Variants in RAPGEF4 observed in about 807,000 individuals in gnomAD.
RAPGEF4 encodes the protein RAP guanine-nucleotide-exchange factor (GEF) 4.
Under a neutral mutation model 147.9 loss-of-function variants are expected in RAPGEF4, and 66 were observed. That is an observed-to-expected ratio of 0.45 (90% CI 0.37 to 0.55). The LOEUF is 0.55. Among genes scored for constraint, RAPGEF4 ranks in the 20% least tolerant of loss-of-function variants. The probability of loss-of-function intolerance (pLI) is 0.00; values close to 1 mark genes in which losing one functional copy is unlikely to be tolerated. For missense variants in RAPGEF4, 1,071 were observed against 1,257.3 expected (o/e 0.85, Z 2.24); for synonymous variants, 419 against 442.7 (o/e 0.95, Z 0.67).
chr2:173,020,525 T>C, intron 22 of RAPGEF4, 93 bp from the exon 23 acceptor site: 1 of 1,002,226 alleles, frequency 1.0e-6, no homozygotes, highest in Non-Finnish European at 1.6e-6. Context: ...GTTCCGGTAA[T>C]TCACCAAGCT....
At chr2:172,819,112 C>G (rs1177773982) in intron 4 of RAPGEF4, among the ~76,000 whole-genome samples, 3 of 152,032 alleles carry the variant, frequency 2.0e-5, no homozygotes, top group Non-Finnish European at 4.4e-5. Flanking sequence ...TACATCTTTC[C>G]TAATGAAAAT....
chr2:172,819,634 T>G (rs1358832799), intron 4 of RAPGEF4, among the ~76,000 whole-genome samples: 1 of 151,172 alleles, frequency 6.6e-6, no homozygotes, highest in Non-Finnish European at 1.5e-5. Flanking sequence ...CCCGGCTAAT[T>G]TTTTGTATTT....
chr2:172,885,261 G>A (rs938697011), intron 4 of RAPGEF4, among the ~76,000 whole-genome samples: 3 of 152,152 alleles, frequency 2.0e-5, no homozygotes, highest in African/African-American at 7.2e-5. Flanking sequence ...TGCCCATGGC[G>A]GTATTGGCTT....
intron 6 of RAPGEF4, among the ~76,000 whole-genome samples, chr2:172,925,777 AAGAGAGAG>A (rs67773579): frequency 3.0e-4 from 40 of 133,804 alleles, no homozygotes; most frequent in African/African-American, 5.4e-4. Flanking sequence ...GAAAGAAAGA[AAGAGAGAG>A]AGAGAGAGAG....
intron 6 of RAPGEF4, among the ~76,000 whole-genome samples, chr2:172,936,258 T>C (rs1686551740): frequency 6.6e-6 from 1 of 152,080 alleles, no homozygotes; most frequent in South Asian, 2.1e-4. Context: ...TCCCAGCTAC[T>C]CTGAAGGCTG....
intron 10 of RAPGEF4, among the ~76,000 whole-genome samples, chr2:172,968,397 G>C (rs1690091986): frequency 6.6e-6 from 1 of 152,188 alleles, no homozygotes. Flanking sequence ...TTCCAAGAGT[G>C]AAGTGTCCCT....
chr2:172,928,130 G>T, intron 6 of RAPGEF4: 3 of 446,618 alleles, frequency 6.7e-6, no homozygotes, highest in South Asian at 4.8e-5. Context: ...GACTTATTTT[G>T]CCCCACCTTC....
At chr2:173,049,536 A>G (rs1685940152) in intron 30 of RAPGEF4, among the ~76,000 whole-genome samples, 1 of 152,252 alleles carries the variant, frequency 6.6e-6, no homozygotes, top group Non-Finnish European at 1.5e-5. Flanking sequence ...ACCGAGTGCT[A>G]AGAGACTATG....
chr2:172,931,981 G>GCCCCCCCCCCCCCCCCCCC (rs3835837), intron 6 of RAPGEF4, among the ~76,000 whole-genome samples: 5 of 137,102 alleles, frequency 3.6e-5, no homozygotes, highest in Non-Finnish European at 8.0e-5. Context: ...ACTCCCATGC[G>GCCCCCCCCCCCCCCCCCCC]CCCCCCACCC....
rs113655130 is a variant in RAPGEF4 at position 172,999,874 on chromosome 2, C to T, written c.1580-1392C>T. On this transcript the variant is annotated intron_variant, in intron 16 of 30. Transcript: ENST00000397081. ...GAGTTGCTACATGTGAGGAGAGAGCCGGAAAGCCACACTGAAATGTGAGCT... is the reference window on the plus strand; with the variant it reads ...GAGTTGCTACATGTGAGGAGAGAGCTGGAAAGCCACACTGAAATGTGAGCT... Among the ~76,000 whole-genome samples the T allele has an allele frequency of 6.1e-3, 924 of 152,216 alleles. 15 individuals are homozygous for T. The highest frequency in any genetic ancestry group is 0.021 in the African/African-American group (874 of 41,508).
intron 23 of RAPGEF4, among the ~76,000 whole-genome samples, chr2:173,023,304 A>G (rs1001992122): frequency 9.9e-5 from 15 of 152,208 alleles, no homozygotes; most frequent in African/African-American, 3.4e-4. Context: ...TCATGGCTCA[A>G]AAACCGTGGG....
At chr2:172,972,607 G>A (rs908816730) in intron 10 of RAPGEF4, among the ~76,000 whole-genome samples, 1 of 152,148 alleles carries the variant, frequency 6.6e-6, no homozygotes, top group African/African-American at 2.4e-5. Flanking sequence ...ATAAATGATT[G>A]CATTAAGTAG....
chr2:173,009,024 C>T, intron 17 of RAPGEF4, among the ~76,000 whole-genome samples: 1 of 152,184 alleles, frequency 6.6e-6, no homozygotes, highest in East Asian at 1.9e-4. Flanking sequence ...CTCTCAGTCA[C>T]ATGTACACAA....
intron 17 of RAPGEF4, among the ~76,000 whole-genome samples, chr2:173,008,071 C>T (rs1275559320): frequency 2.0e-5 from 3 of 151,238 alleles, no homozygotes; most frequent in Admixed American, 6.6e-5. Flanking sequence ...CGGGTGTGGC[C>T]CCCCCATGCT....
intron 4 of RAPGEF4, among the ~76,000 whole-genome samples, chr2:172,879,815 A>G (rs771083271): frequency 2.1e-4 from 32 of 152,238 alleles, no homozygotes; most frequent in Non-Finnish European, 3.5e-4. Flanking sequence ...AAAATGGATT[A>G]CTTGTATAAT....
intron 6 of RAPGEF4, among the ~76,000 whole-genome samples, chr2:172,949,394 G>GTCATA (rs1376904807): frequency 6.6e-6 from 1 of 152,082 alleles, no homozygotes; most frequent in Non-Finnish European, 1.5e-5. Flanking sequence ...ATGCAGAAAG[G>GTCATA]TCCTGAGGGT....
chr2:172,954,631 C>T (rs568835852), intron 6 of RAPGEF4, among the ~76,000 whole-genome samples: 27 of 151,998 alleles, frequency 1.8e-4, no homozygotes, highest in Non-Finnish European at 3.5e-4. Context: ...TTCATCTGGG[C>T]GGCCCCAAAG....
intron 20 of RAPGEF4, 93 bp from the exon 21 acceptor site, chr2:173,017,333 T>C (rs1215359620): frequency 6.7e-7 from 1 of 1,486,888 alleles, no homozygotes; most frequent in African/African-American, 1.4e-5. Flanking sequence ...CTTCATTTCT[T>C]GACTCTGCTT....
intron 1 of RAPGEF4, among the ~76,000 whole-genome samples, chr2:172,793,999 G>A (rs981585906): frequency 1.3e-5 from 2 of 151,966 alleles, no homozygotes; most frequent in African/African-American, 4.8e-5. Flanking sequence ...GTGGTGGAGT[G>A]CACCTGTAAT....
Sources: allele counts gnomAD v4.1 joint callset (sites outside exome capture counted in the v4.1 genomes callset), GRCh38; gene constraint gnomAD v4.1.1; transcripts MANE v1.5; gene names NCBI Gene and HGNC (gene_info 2026-07-23, HGNC 2026-07-21).